The following PLPPR1 variants were observed in gnomAD, a reference collection of about 807,000 sequenced individuals.
The protein encoded by PLPPR1 is phospholipid phosphatase related 1, also known as phospholipid phosphatase-related protein type 1.
In PLPPR1, 10 loss-of-function variants were observed where a neutral mutation model predicts 33.1. That is an observed-to-expected ratio of 0.30 (90% CI 0.19 to 0.51). PLPPR1 has a LOEUF of 0.51. Ranked by LOEUF, PLPPR1 falls within the 20% of genes least tolerant of loss-of-function variation. The pLI is 0.97. For missense variants in PLPPR1, 304 were observed against 408.1 expected (o/e 0.74, Z 2.20); for synonymous variants, 151 against 151.0 (o/e 1.00, Z 0.00).
chr9:101,071,212 C>T (rs2118488789), intron 1 of PLPPR1, among the ~76,000 whole-genome samples: 1 of 152,124 alleles, frequency 6.6e-6, no homozygotes, highest in Middle Eastern at 3.4e-3. Context: ...GTAGCATCAG[C>T]AGGGGACAGC....
intron 2 of PLPPR1, among the ~76,000 whole-genome samples, chr9:101,192,988 A>C (rs2987734): frequency 6.6e-6 from 1 of 151,990 alleles, no homozygotes; most frequent in Non-Finnish European, 1.5e-5. Flanking sequence ...CTAAGTTCTA[A>C]AATGAGCTAT....
rs1258587344 is a variant in PLPPR1, at chr9:101,210,266, A to AGAG, written c.63+24710_63+24712dup. On this transcript the variant is annotated intron_variant, in intron 2 of 7. Coordinates refer to ENST00000374874, the MANE Select transcript of PLPPR1 (RefSeq NM_207299.2). ...TTAATGTAGCCCCTGCTATTTCTTT[A>AGAG]GAGTACTGCAGAGATCATCTGGTAT... Among the ~76,000 whole-genome samples, 3 of 152,326 alleles carry AGAG rather than the reference A, an allele frequency of 2.0e-5. No individual in the cohort carries two copies. The South Asian group carries it at 6.2e-4, about 32-fold the overall frequency.
chr9:101,179,221 C>T (rs1826063078), intron 1 of PLPPR1, among the ~76,000 whole-genome samples: 1 of 152,136 alleles, frequency 6.6e-6, no homozygotes, highest in Non-Finnish European at 1.5e-5. Context: ...ACTACAACAG[C>T]CTAATCCAGG....
chr9:101,169,080 G>A (rs1825901066), intron 1 of PLPPR1, among the ~76,000 whole-genome samples: 1 of 152,124 alleles, frequency 6.6e-6, no homozygotes, highest in African/African-American at 2.4e-5. Flanking sequence ...CTTTTAAGTT[G>A]AGAGCAATGA....
intron 3 of PLPPR1, among the ~76,000 whole-genome samples, chr9:101,274,509 T>C (rs988381868): frequency 6.6e-6 from 1 of 152,186 alleles, no homozygotes; most frequent in Admixed American, 6.5e-5. Flanking sequence ...CAGCGTGGCC[T>C]TGCTACCCTG....
intron 1 of PLPPR1, among the ~76,000 whole-genome samples, chr9:101,168,491 T>C (rs1167735156): frequency 1.3e-5 from 2 of 152,168 alleles, no homozygotes; most frequent in Non-Finnish European, 2.9e-5. Context: ...AGCTCAACTA[T>C]CATCCATGGA....
rs561381830 is a variant in PLPPR1, at chr9:101,309,568, A to T, written c.636+107A>T. The T allele has an allele frequency of 1.7e-5, 21 of 1,239,898 alleles. No individual in the cohort carries two copies. In the African/African-American group the frequency reaches 3.0e-4, roughly 18 times the overall value. The allele number at this position is 1,239,898 out of a possible 1,614,324, so 76.8% of individuals were successfully genotyped here. On this transcript the variant is annotated intron_variant, in intron 5 of 7. Coordinates refer to ENST00000374874, the MANE Select transcript of PLPPR1 (RefSeq NM_207299.2). ...GTCACTTATAGCGACTCTTAAATTT[A>T]TGTATGGCATATTTCTCTACATTAT...
rs1828770939 is a variant in PLPPR1 at position 101,302,443 on chromosome 9, CTG to C, written c.386-6765_386-6764del. 5.3e-5 allele frequency among the ~76,000 whole-genome samples: 8 copies of C among 152,292 alleles called. No individual in the cohort carries two copies. In the South Asian group the frequency reaches 1.7e-3, roughly 32 times the overall value. On this transcript the variant is annotated intron_variant, in intron 4 of 7. Transcript: ENST00000374874. Reference sequence around the variant, plus strand: ...CATTTTACCACTTTTCCTAAAGAAACTGTGGTTTCCTGAAGGAATGGTCTTCA... The same window carrying C: ...CATTTTACCACTTTTCCTAAAGAAACTGGTTTCCTGAAGGAATGGTCTTCA...
At chr9:101,215,040 A>G in intron 2 of PLPPR1, among the ~76,000 whole-genome samples, 1 of 151,496 alleles carries the variant, frequency 6.6e-6, no homozygotes, top group Non-Finnish European at 1.5e-5. Flanking sequence ...AAAAAAAAAA[A>G]GAAAGAAAAG....
intron 1 of PLPPR1, among the ~76,000 whole-genome samples, chr9:101,169,178 G>GTGTGTGTC (rs1370049132): frequency 1.3e-5 from 2 of 152,218 alleles, no homozygotes; most frequent in African/African-American, 4.8e-5. Flanking sequence ...CTTTTGGGGT[G>GTGTGTGTC]TGTGTGTCTG....
At chr9:101,232,052 T>C (rs993943512) in intron 2 of PLPPR1, among the ~76,000 whole-genome samples, 6 of 152,118 alleles carry the variant, frequency 3.9e-5, no homozygotes, top group African/African-American at 1.4e-4. Flanking sequence ...ACTTTTATGC[T>C]TGCAGAAGCA....
intron 2 of PLPPR1, among the ~76,000 whole-genome samples, chr9:101,263,355 C>CTGTT (rs773210737): frequency 1.3e-5 from 2 of 152,114 alleles, no homozygotes; most frequent in Non-Finnish European, 2.9e-5. Context: ...ATTGCATTGA[C>CTGTT]TGTTAGACAA....
At chr9:101,108,620 T>C (rs1831009599) in intron 1 of PLPPR1, among the ~76,000 whole-genome samples, 1 of 152,208 alleles carries the variant, frequency 6.6e-6, no homozygotes, top group Admixed American at 6.5e-5. Flanking sequence ...GACAGCAAAA[T>C]GGATTTCTGT....
chr9:101,113,179 C>T (rs1298748445), intron 1 of PLPPR1, among the ~76,000 whole-genome samples: 1 of 149,800 alleles, frequency 6.7e-6, no homozygotes, highest in Non-Finnish European at 1.5e-5. Flanking sequence ...ATTTTATTCT[C>T]TTGCTTAATT....
chr9:101,125,456 G>T (rs1831233542), intron 1 of PLPPR1: 1 of 238,586 alleles, frequency 4.2e-6, no homozygotes, highest in South Asian at 6.9e-5. Flanking sequence ...CCTTTTTTAT[G>T]ACCCTGGGTA....
intron 1 of PLPPR1, among the ~76,000 whole-genome samples, chr9:101,157,471 G>A (rs532005775): frequency 6.6e-6 from 1 of 152,234 alleles, no homozygotes; most frequent in South Asian, 2.1e-4. Flanking sequence ...CATCAATCCT[G>A]AATATGTGGA....
At chr9:101,066,562 G>T (rs891427026) in intron 1 of PLPPR1, among the ~76,000 whole-genome samples, 8 of 151,900 alleles carry the variant, frequency 5.3e-5, no homozygotes, top group Non-Finnish European at 2.9e-5. Context: ...ATGTCAGTAT[G>T]GACTCATGGA....
At chr9:101,085,059 AAC>A (rs1180312947) in intron 1 of PLPPR1, among the ~76,000 whole-genome samples, 1 of 152,208 alleles carries the variant, frequency 6.6e-6, no homozygotes, top group Non-Finnish European at 1.5e-5. Context: ...ATTAAAATAA[AAC>A]ACAGTTTCTG....
rs7862910 is a variant in PLPPR1 at position 101,309,161 on chromosome 9, C to G, written c.386-50C>G. ...GCTGTTTTCTCTTAGGAGAAAAATG[C>G]AATTGACAGAGTATGTTACCATTCC... is the stretch of plus-strand genomic sequence containing the variant. On this transcript the variant is annotated intron_variant, in intron 4 of 7. Coordinates refer to ENST00000374874, the MANE Select transcript of PLPPR1 (RefSeq NM_207299.2). 10,280 of 1,595,726 alleles carry G rather than the reference C, an allele frequency of 6.4e-3. 610 individuals are homozygous for G. The African/African-American group carries it at 0.12, about 19-fold the overall frequency.
Sources: allele counts gnomAD v4.1 joint callset (sites outside exome capture counted in the v4.1 genomes callset), GRCh38; gene constraint gnomAD v4.1.1; transcripts MANE v1.5; gene names NCBI Gene and HGNC (gene_info 2026-07-23, HGNC 2026-07-21).